Variants in MIPOL1 observed in about 807,000 individuals in gnomAD.
MIPOL1 encodes the protein mirror-image polydactyly 1, also known as mirror-image polydactyly gene 1 protein.
In MIPOL1, 57 loss-of-function variants were observed where a neutral mutation model predicts 60.9. The observed-to-expected ratio is 0.94, with a 90% CI of 0.76 to 1.17. The LOEUF is 1.17. Among genes scored for constraint, MIPOL1 ranks in the 50% most tolerant of loss-of-function variants. The pLI is 0.00. For synonymous variants in MIPOL1, 179 were observed against 168.8 expected (o/e 1.06, Z -0.47); for missense variants, 551 against 511.6 (o/e 1.08, Z -0.74).
At chr14:37,386,084 C>T (rs2093059100) in intron 10 of MIPOL1, among the ~76,000 whole-genome samples, 1 of 151,992 alleles carries the variant, frequency 6.6e-6, no homozygotes, top group African/African-American at 2.4e-5. Flanking sequence ...GCCTACCTGT[C>T]ATCTCTTAGC....
chr14:37,516,218 G>A (rs1234185163), intron 12 of MIPOL1, among the ~76,000 whole-genome samples: 2 of 152,192 alleles, frequency 1.3e-5, no homozygotes, highest in South Asian at 2.1e-4. Context: ...TTTTAAATGA[G>A]TATACAGGTC....
At chr14:37,264,059 G>T (rs1286487807) in intron 3 of MIPOL1, among the ~76,000 whole-genome samples, 1 of 152,112 alleles carries the variant, frequency 6.6e-6, no homozygotes, top group Non-Finnish European at 1.5e-5. Flanking sequence ...CTCAGCTAAA[G>T]CTCTTAGTAG....
intron 10 of MIPOL1, among the ~76,000 whole-genome samples, chr14:37,396,770 G>A (rs1359409933): frequency 2.6e-5 from 4 of 151,988 alleles, no homozygotes; most frequent in African/African-American, 7.2e-5. Context: ...TTCTATTGCC[G>A]AGACTTTCCA....
intron 8 of MIPOL1, 129 bp from the exon 9 acceptor site, chr14:37,308,220 C>A: frequency 2.5e-6 from 3 of 1,183,780 alleles, no homozygotes; most frequent in Non-Finnish European, 3.5e-6. Context: ...TACATCTTTG[C>A]TGCAATATGA....
chr14:37,199,514 T>G (rs1019907202), intron 1 of MIPOL1, among the ~76,000 whole-genome samples: 7 of 152,088 alleles, frequency 4.6e-5, no homozygotes, highest in African/African-American at 1.7e-4. Flanking sequence ...GATGAAATTA[T>G]GTATACTTTT....
intron 11 of MIPOL1, among the ~76,000 whole-genome samples, chr14:37,484,132 G>T (rs1024411919): frequency 6.6e-6 from 1 of 152,078 alleles, no homozygotes; most frequent in Non-Finnish European, 1.5e-5. Context: ...TGTCTTTGGC[G>T]TTAGTTTTTT....
At chr14:37,497,392 C>A (rs1415683712) in intron 11 of MIPOL1, among the ~76,000 whole-genome samples, 1 of 152,194 alleles carries the variant, frequency 6.6e-6, no homozygotes, top group Non-Finnish European at 1.5e-5. Flanking sequence ...ACGAAGCTGT[C>A]TCACTGAGTT....
chr14:37,299,310 G>C (rs2086132847), intron 7 of MIPOL1, among the ~76,000 whole-genome samples: 1 of 151,888 alleles, frequency 6.6e-6, no homozygotes. Context: ...GAGGGGGGCG[G>C]GATAGCATTA....
At chr14:37,475,272 A>G (rs2094753364) in intron 11 of MIPOL1, among the ~76,000 whole-genome samples, 2 of 151,934 alleles carry the variant, frequency 1.3e-5, no homozygotes, top group African/African-American at 4.8e-5. Flanking sequence ...TAAGTTATTT[A>G]TTTTCTTATT....
At chr14:37,373,475 TG>T (rs2092695976) in intron 10 of MIPOL1, among the ~76,000 whole-genome samples, 1 of 151,946 alleles carries the variant, frequency 6.6e-6, no homozygotes, top group African/African-American at 2.4e-5. Flanking sequence ...GGTATACACA[TG>T]CCATGGTGGC....
intron 3 of MIPOL1, among the ~76,000 whole-genome samples, chr14:37,266,461 CTA>C (rs1243463456): frequency 5.3e-5 from 8 of 152,146 alleles, no homozygotes; most frequent in African/African-American, 1.9e-4. Context: ...AGGAAAGCCT[CTA>C]TATCATTAAC....
intron 12 of MIPOL1, among the ~76,000 whole-genome samples, chr14:37,510,074 C>G (rs749097752): frequency 5.3e-5 from 8 of 151,540 alleles, no homozygotes; most frequent in Non-Finnish European, 1.2e-4. Flanking sequence ...TACATATAGA[C>G]TATATGTATG....
At chr14:37,390,809 A>G (rs1322225176) in intron 10 of MIPOL1, among the ~76,000 whole-genome samples, 1 of 151,996 alleles carries the variant, frequency 6.6e-6, no homozygotes, top group Non-Finnish European at 1.5e-5. Context: ...CAATATAGGT[A>G]TAATTAGAGT....
At chr14:37,471,980 T>C (rs1461323062) in intron 11 of MIPOL1, among the ~76,000 whole-genome samples, 4 of 152,170 alleles carry the variant, frequency 2.6e-5, no homozygotes. Context: ...GGGCCTGAGG[T>C]ATCTCAATGC....
At chr14:37,294,513 C>A (rs1219941793) in intron 7 of MIPOL1, among the ~76,000 whole-genome samples, 1 of 151,898 alleles carries the variant, frequency 6.6e-6, no homozygotes, top group Non-Finnish European at 1.5e-5. Context: ...CTAGTCCGAG[C>A]TAAAGGAGGA....
At chr14:37,457,629 A>G (rs74489776) in intron 11 of MIPOL1, among the ~76,000 whole-genome samples, 1,922 of 152,280 alleles carry the variant, frequency 0.013, 44 homozygotes, top group African/African-American at 0.043. Context: ...AGATTTTCTC[A>G]TACCACCATG....
At chr14:37,513,513 ACTC>A (rs1435569027) in intron 12 of MIPOL1, among the ~76,000 whole-genome samples, 1 of 152,060 alleles carries the variant, frequency 6.6e-6, no homozygotes, top group Non-Finnish European at 1.5e-5. Flanking sequence ...TATCTGGCTA[ACTC>A]CTTTGTGCCA....
intron 11 of MIPOL1, among the ~76,000 whole-genome samples, chr14:37,474,509 T>C (rs2094738956): frequency 6.6e-6 from 1 of 152,194 alleles, no homozygotes; most frequent in Non-Finnish European, 1.5e-5. Flanking sequence ...GTCTCTTGTC[T>C]GCCACCATGT....
At chr14:37,256,883 A>G (rs1975027044) in intron 3 of MIPOL1, among the ~76,000 whole-genome samples, 2 of 151,944 alleles carry the variant, frequency 1.3e-5, no homozygotes, top group Admixed American at 1.3e-4. Flanking sequence ...TTACCAAAAA[A>G]CAAATTTACT....
Sources: allele counts gnomAD v4.1 joint callset (sites outside exome capture counted in the v4.1 genomes callset), GRCh38; gene constraint gnomAD v4.1.1; transcripts MANE v1.5; gene names NCBI Gene and HGNC (gene_info 2026-07-23, HGNC 2026-07-21).